Variants in TENM2 observed in about 807,000 individuals in gnomAD.
TENM2 encodes the protein teneurin transmembrane protein 2.
In TENM2, 52 loss-of-function variants were observed where a neutral mutation model predicts 245.2. The observed-to-expected ratio is 0.21, with a 90% confidence interval of 0.17 to 0.27. The LOEUF is 0.27. Among genes scored for constraint, TENM2 ranks in the 10% least tolerant of loss-of-function variants. TENM2 has a pLI of 1.00. For missense variants in TENM2, 3,046 were observed against 3,666.8 expected (o/e 0.83, Z 4.37); for synonymous variants, 1,363 against 1,438.9 (o/e 0.95, Z 1.19).
At chr5:167,012,773 T>A in the TENM2 span, among the ~76,000 whole-genome samples, 1 of 152,126 alleles carries the variant, frequency 6.6e-6, no homozygotes, top group Non-Finnish European at 1.5e-5. Context: ...GGGGGACCTT[T>A]TTTTCCACAA....
the TENM2 span, among the ~76,000 whole-genome samples, chr5:167,061,501 C>T: frequency 2.6e-5 from 4 of 152,108 alleles, no homozygotes; most frequent in Non-Finnish European, 5.9e-5. Flanking sequence ...ATTCTATGCT[C>T]AAGGGTTGAT....
At chr5:167,288,464 CAG>C (rs1754425445) in intron 1 of TENM2, among the ~76,000 whole-genome samples, 1 of 150,502 alleles carries the variant, frequency 6.6e-6, no homozygotes, top group Non-Finnish European at 1.5e-5. Context: ...CAGGCTGAGG[CAG>C]GGGAATGGCG....
intron 3 of TENM2, among the ~76,000 whole-genome samples, chr5:167,884,494 A>G (rs1405999667): frequency 2.0e-5 from 3 of 152,222 alleles, no homozygotes; most frequent in Non-Finnish European, 4.4e-5. Flanking sequence ...GGAATCACAC[A>G]GTACTTGTCC....
chr5:167,011,729 A>C, the TENM2 span, among the ~76,000 whole-genome samples: 1 of 152,180 alleles, frequency 6.6e-6, no homozygotes, highest in Non-Finnish European at 1.5e-5. Context: ...TCTATTTAGG[A>C]ATTGAGAGTT....
chr5:167,448,978 C>T (rs1470296994), intron 2 of TENM2, among the ~76,000 whole-genome samples: 1 of 151,360 alleles, frequency 6.6e-6, no homozygotes, highest in Non-Finnish European at 1.5e-5. Context: ...CTGTTTTTAA[C>T]CTATAAAGGA....
the TENM2 span, among the ~76,000 whole-genome samples, chr5:167,192,202 A>G: frequency 6.6e-6 from 1 of 152,040 alleles, no homozygotes. Flanking sequence ...TAGCAGTACC[A>G]GGGTCCATTC....
intron 3 of TENM2, among the ~76,000 whole-genome samples, chr5:167,876,681 A>G (rs560227770): frequency 1.9e-4 from 29 of 152,230 alleles, no homozygotes; most frequent in South Asian, 4.1e-4. Flanking sequence ...TGAAATTACA[A>G]TGTGTTCCGT....
At chr5:167,339,895 C>T (rs553111152) in intron 1 of TENM2, among the ~76,000 whole-genome samples, 106 of 152,304 alleles carry the variant, frequency 7.0e-4, no homozygotes, top group African/African-American at 2.4e-3. Context: ...TCTCGTTACA[C>T]GCTGAATGCC....
At chr5:167,814,090 C>T (rs1185813419) in intron 2 of TENM2, among the ~76,000 whole-genome samples, 1 of 152,052 alleles carries the variant, frequency 6.6e-6, no homozygotes, top group Non-Finnish European at 1.5e-5. Context: ...CTTAAAAAGC[C>T]GTGCAATGAA....
chr5:168,092,105 C>T (rs1360244966), intron 8 of TENM2, among the ~76,000 whole-genome samples: 1 of 152,124 alleles, frequency 6.6e-6, no homozygotes, highest in Admixed American at 6.5e-5. Context: ...CATGGATTTT[C>T]CTGAGGGGCT....
chr5:167,621,366 A>G (rs189843105), intron 2 of TENM2, among the ~76,000 whole-genome samples: 37 of 152,286 alleles, frequency 2.4e-4, no homozygotes, highest in Non-Finnish European at 4.1e-4. Context: ...GCTGAAATCT[A>G]AATGACCTTA....
chr5:167,227,728 TGAA>T, the TENM2 span, among the ~76,000 whole-genome samples: 28 of 152,232 alleles, frequency 1.8e-4, no homozygotes, highest in African/African-American at 6.8e-4. Context: ...TAATGTGCCA[TGAA>T]GAAGATCTTT....
intron 2 of TENM2, among the ~76,000 whole-genome samples, chr5:167,625,199 CAATGTT>C (rs1382698672): frequency 1.3e-5 from 2 of 152,176 alleles, no homozygotes; most frequent in Non-Finnish European, 2.9e-5. Context: ...GCTCTTTGAA[CAATGTT>C]TGCAAAGCTA....
chr5:167,649,994 G>T (rs1001306337), intron 2 of TENM2, among the ~76,000 whole-genome samples: 1 of 152,170 alleles, frequency 6.6e-6, no homozygotes, highest in Non-Finnish European at 1.5e-5. Flanking sequence ...TGATAAAGTG[G>T]TTATTGTGGT....
At chr5:167,112,638 A>G in the TENM2 span, among the ~76,000 whole-genome samples, 2 of 152,354 alleles carry the variant, frequency 1.3e-5, no homozygotes, top group Admixed American at 6.5e-5. Flanking sequence ...TATGAGGCCT[A>G]TGAAAAGACT....
intron 14 of TENM2, among the ~76,000 whole-genome samples, chr5:168,191,944 G>A (rs1761001829): frequency 6.6e-6 from 1 of 151,952 alleles, no homozygotes; most frequent in Admixed American, 6.6e-5. Flanking sequence ...GTCTTAACAA[G>A]GTCACCTTAG....
chr5:167,375,483 C>T lies in TENM2; in HGVS notation c.502+10C>T, dbSNP rs748299005. ...TCAGATGATGAGAACGGTAGGCCTG[C>T]TTCTTAAATACCTTTTAACGTTCTG... On this transcript the variant is annotated intron_variant, in intron 2 of 28. Transcript: ENST00000518659. 1.1e-5 allele frequency: 17 copies of T among 1,551,048 alleles called. No homozygotes were observed. Among genetic ancestry groups the T allele is most frequent in the Non-Finnish European group, 1.7e-6 (2 of 1,146,764 alleles).
intron 4 of TENM2, among the ~76,000 whole-genome samples, chr5:167,988,284 TAAC>T (rs1047767597): frequency 2.6e-5 from 4 of 152,246 alleles, no homozygotes; most frequent in Admixed American, 2.0e-4. Context: ...GTTATTTATT[TAAC>T]AACGATTTGT....
In TENM2 at chr5:167,348,054, G is replaced by A. The variant is rs78986805; in HGVS notation, c.227-27144G>A. Among the ~76,000 whole-genome samples the A allele has an allele frequency of 8.2e-3, 1,245 of 152,284 alleles. 16 individuals are homozygous for A. The highest frequency in any genetic ancestry group is 0.029 in the African/African-American group (1,210 of 41,572). Reference sequence around the variant, plus strand: ...AGCAGGCAAGGGAATGTTCCCATATGCCTTTTAAACTGGACTAGACGGCGT... The same window carrying A: ...AGCAGGCAAGGGAATGTTCCCATATACCTTTTAAACTGGACTAGACGGCGT... On this transcript the variant is annotated intron_variant, in intron 1 of 28. Coordinates refer to ENST00000518659, the Ensembl canonical transcript of TENM2.
Sources: gnomAD v4.1 joint callset for allele counts (sites outside exome capture counted in the v4.1 genomes callset) on GRCh38, gnomAD v4.1.1 for gene constraint, MANE v1.5 for transcripts, NCBI Gene and HGNC (gene_info 2026-07-23, HGNC 2026-07-21) for gene names.